ABTB2: variants seen among roughly 807,000 people sequenced by gnomAD.
ABTB2 encodes ankyrin repeat and BTB domain containing 2.
A neutral mutation model predicts 104.1 loss-of-function variants in ABTB2; 56 were observed. The ratio of observed to expected loss-of-function variants is 0.54; its 90% CI spans 0.43 to 0.67. The LOEUF is 0.67. Among genes scored for constraint, ABTB2 ranks in the 30% least tolerant of loss-of-function variants. The pLI is 0.00. For missense variants in ABTB2, 1,279 were observed against 1,407.7 expected (o/e 0.91, Z 1.46); for synonymous variants, 606 against 608.2 (o/e 1.00, Z 0.05).
intron 1 of ABTB2, among the ~76,000 whole-genome samples, chr11:34,336,222 T>C (rs1272204250): frequency 6.6e-6 from 1 of 152,244 alleles, no homozygotes; most frequent in East Asian, 1.9e-4. Flanking sequence ...ATTCATTCAA[T>C]GTCAGCTGAG....
intron 1 of ABTB2, among the ~76,000 whole-genome samples, chr11:34,314,805 C>T (rs1173713515): frequency 6.6e-6 from 1 of 152,192 alleles, no homozygotes; most frequent in East Asian, 1.9e-4. Context: ...GCAGTGATAG[C>T]TGATCATTAA....
intron 13 of ABTB2, 85 bp downstream of exon 13, chr11:34,159,821 A>C (rs777238173): frequency 1.8e-6 from 2 of 1,086,622 alleles, no homozygotes; most frequent in Non-Finnish European, 1.4e-6. Flanking sequence ...GTACAGCCCC[A>C]GCGAGTCACT....
intron 1 of ABTB2, among the ~76,000 whole-genome samples, chr11:34,261,239 A>G (rs570481728): frequency 2.2e-4 from 34 of 152,338 alleles, no homozygotes; most frequent in African/African-American, 7.9e-4. Context: ...ATAAGTTAAT[A>G]TAAAAAACAG....
chr11:34,238,692 G>A (rs1181771987), intron 1 of ABTB2, among the ~76,000 whole-genome samples: 2 of 152,128 alleles, frequency 1.3e-5, no homozygotes, highest in African/African-American at 2.4e-5. Flanking sequence ...GCCTGAGCTG[G>A]GATTCAAGCC....
intron 1 of ABTB2, among the ~76,000 whole-genome samples, chr11:34,341,937 G>T (rs550678632): frequency 2.0e-5 from 3 of 152,088 alleles, no homozygotes; most frequent in Non-Finnish European, 4.4e-5. Context: ...ACGTGTAAAG[G>T]GTCCCCCATT....
chr11:34,183,506 C>G (rs1242599950), intron 3 of ABTB2, among the ~76,000 whole-genome samples: 1 of 152,208 alleles, frequency 6.6e-6, no homozygotes, highest in African/African-American at 2.4e-5. Context: ...CCGTACTGCC[C>G]TCGGCTAGAG....
intron 1 of ABTB2, among the ~76,000 whole-genome samples, chr11:34,321,125 T>C (rs1308505858): frequency 1.3e-5 from 2 of 152,204 alleles, no homozygotes; most frequent in African/African-American, 2.4e-5. Flanking sequence ...GAGGTTGCAG[T>C]GAGCTGAGAT....
intron 2 of ABTB2, among the ~76,000 whole-genome samples, chr11:34,197,778 C>T (rs1202236091): frequency 6.6e-6 from 1 of 152,180 alleles, no homozygotes; most frequent in African/African-American, 2.4e-5. Flanking sequence ...GGGCCTGTCT[C>T]CTCCAGAACT....
intron 1 of ABTB2, among the ~76,000 whole-genome samples, chr11:34,331,867 CA>C (rs1855134556): frequency 6.6e-6 from 1 of 152,220 alleles, no homozygotes; most frequent in African/African-American, 2.4e-5. Flanking sequence ...CAGTAAAAGC[CA>C]AACCTCATTT....
chr11:34,196,319 C>T (rs1431700167), intron 3 of ABTB2, among the ~76,000 whole-genome samples: 1 of 152,152 alleles, frequency 6.6e-6, no homozygotes, highest in African/African-American at 2.4e-5. Context: ...TTTGGGAGGC[C>T]AAGGCGCGTG....
chr11:34,357,284 G>T lies in ABTB2; in HGVS notation c.300C>A (p.Thr100=). The change falls in exon 1 of 17, where the codon ACC becomes ACA. Residue 100 remains threonine, a synonymous_variant. Coordinates refer to ENST00000435224, the MANE Select transcript of ABTB2 (RefSeq NM_145804.3). The part of the protein sequence containing the change: ...RLPELEEFPW[T]EGDVARVLRK... ...GGAGCACCCGGGCCACGTCTCCTTCGGTCCAGGGGAACTCCTCCAGCTCGG... is the reference window on the plus strand; with the variant it reads ...GGAGCACCCGGGCCACGTCTCCTTCTGTCCAGGGGAACTCCTCCAGCTCGG... The T allele has an allele frequency of 6.7e-7, 1 of 1,496,814 alleles. No individual in the cohort carries two copies. The allele number at this position is 1,496,814 out of a possible 1,614,324, so 92.7% of individuals were successfully genotyped here.
chr11:34,299,210 G>T (rs913421926), intron 1 of ABTB2, among the ~76,000 whole-genome samples: 2 of 152,210 alleles, frequency 1.3e-5, no homozygotes, highest in Non-Finnish European at 2.9e-5. Flanking sequence ...CTGGGCAGGG[G>T]TTTGGACTGG....
chr11:34,168,102 C>T (rs552745766), intron 5 of ABTB2, 110 bp from the exon 6 acceptor site: 34 of 1,094,436 alleles, frequency 3.1e-5, no homozygotes, highest in East Asian at 2.3e-4. Flanking sequence ...CCACCCCAGC[C>T]GAGCATCCTG....
chr11:34,291,156 C>T (rs768601089), intron 1 of ABTB2, among the ~76,000 whole-genome samples: 1 of 152,206 alleles, frequency 6.6e-6, no homozygotes, highest in Non-Finnish European at 1.5e-5. Flanking sequence ...CACAGCAATC[C>T]CCAAGGAAAC....
chr11:34,291,078 G>A (rs1398379682), intron 1 of ABTB2, among the ~76,000 whole-genome samples: 1 of 152,220 alleles, frequency 6.6e-6, no homozygotes, highest in Admixed American at 6.5e-5. Context: ...CAGGCTCCCT[G>A]CACATATGGG....
chr11:34,256,506 T>A (rs1309604224), intron 1 of ABTB2, among the ~76,000 whole-genome samples: 1 of 152,166 alleles, frequency 6.6e-6, no homozygotes, highest in Non-Finnish European at 1.5e-5. Context: ...GCAAACACCA[T>A]ATGGTGGCTG....
chr11:34,315,181 C>T (rs1213960589), intron 1 of ABTB2, among the ~76,000 whole-genome samples: 9 of 152,340 alleles, frequency 5.9e-5, no homozygotes, highest in East Asian at 5.8e-4. Context: ...GAAACAAGCA[C>T]GCCTGGCATT....
At chr11:34,253,455 A>C (rs967865737) in intron 1 of ABTB2, among the ~76,000 whole-genome samples, 8 of 151,950 alleles carry the variant, frequency 5.3e-5, no homozygotes, top group Non-Finnish European at 1.0e-4. Flanking sequence ...AAGCGGGCAG[A>C]TCACAAGATC....
At chr11:34,284,539 T>G (rs1371769025) in intron 1 of ABTB2, among the ~76,000 whole-genome samples, 1 of 152,056 alleles carries the variant, frequency 6.6e-6, no homozygotes, top group Non-Finnish European at 1.5e-5. Flanking sequence ...AAACAGGAAT[T>G]ATTGACTGGC....
Sources: allele counts gnomAD v4.1 joint callset (sites outside exome capture counted in the v4.1 genomes callset), GRCh38; gene constraint gnomAD v4.1.1; transcripts MANE v1.5; gene names NCBI Gene and HGNC (gene_info 2026-07-23, HGNC 2026-07-21).